GPC6: variants seen among roughly 807,000 people sequenced by gnomAD.
GPC6 encodes the protein glypican-6.
Under a neutral mutation model 55.2 loss-of-function variants are expected in GPC6, and 14 were observed. The observed-to-expected ratio is 0.25, with a 90% CI of 0.17 to 0.40. GPC6 has a LOEUF of 0.40. Among genes scored for constraint, GPC6 ranks in the 10% least tolerant of loss-of-function variants. The pLI is 1.00. For missense variants in GPC6, 641 were observed against 708.5 expected (o/e 0.90, Z 1.08); for synonymous variants, 278 against 259.6 (o/e 1.07, Z -0.68).
At chr13:93,580,898 A>G (rs969919534) in intron 2 of GPC6, among the ~76,000 whole-genome samples, 1 of 152,178 alleles carries the variant, frequency 6.6e-6, no homozygotes, top group Non-Finnish European at 1.5e-5. Flanking sequence ...TTTTTACAAA[A>G]TGTATTGTTC....
At chr13:93,945,194 C>A (rs980983925) in intron 3 of GPC6, among the ~76,000 whole-genome samples, 2 of 152,022 alleles carry the variant, frequency 1.3e-5, no homozygotes, top group Non-Finnish European at 2.9e-5. Context: ...ATCTTACTGA[C>A]CCAAAGGATT....
At chr13:93,934,770 A>G (rs1878349879) in intron 3 of GPC6, among the ~76,000 whole-genome samples, 2 of 150,644 alleles carry the variant, frequency 1.3e-5, no homozygotes, top group South Asian at 4.2e-4. Flanking sequence ...TTAAGGATAC[A>G]ATATGTGACC....
rs66499161 is a variant in GPC6, at chr13:94,133,267, C to CAAAAAA, written c.877+105393_877+105398dup. Among the ~76,000 whole-genome samples the CAAAAAA allele has an allele frequency of 9.3e-4, 79 of 85,072 alleles. 2 individuals carry two copies. The highest frequency in any genetic ancestry group is 3.5e-3 in the African/African-American group (70 of 20,066). The allele number at this position is 85,072 out of a possible 152,430, so 55.8% of individuals were successfully genotyped here. A position where few individuals can be genotyped will look rare whatever the true frequency, so the allele number is the denominator to read the frequency against. On this transcript the variant is annotated intron_variant, in intron 4 of 8. Coordinates refer to ENST00000377047, the MANE Select transcript of GPC6 (RefSeq NM_005708.5). ...CCACCATACAGGTACTGACCAGTGA[C>CAAAAAA]AAAAAAAAAAAAAAAAAAAAAAAAA...
intron 4 of GPC6, among the ~76,000 whole-genome samples, chr13:94,148,546 A>G (rs1482560060): frequency 6.6e-6 from 1 of 152,316 alleles, no homozygotes; most frequent in East Asian, 1.9e-4. Context: ...ACTGCAATTT[A>G]ATTTAACTGA....
chr13:94,034,769 C>T (rs868689810), intron 4 of GPC6, among the ~76,000 whole-genome samples: 30 of 151,790 alleles, frequency 2.0e-4, no homozygotes, highest in African/African-American at 6.5e-4. Flanking sequence ...ACTGTGTAAT[C>T]GAGATTTTCA....
chr13:93,799,949 A>G (rs969910232), intron 2 of GPC6, among the ~76,000 whole-genome samples: 10 of 152,190 alleles, frequency 6.6e-5, no homozygotes, highest in South Asian at 6.2e-4. Flanking sequence ...TGTGGTGGAC[A>G]GTAGCCTGGG....
intron 4 of GPC6, among the ~76,000 whole-genome samples, chr13:94,144,308 A>G (rs879483193): frequency 1.3e-5 from 2 of 151,914 alleles, no homozygotes; most frequent in Admixed American, 1.3e-4. Context: ...ACCCCAAAAT[A>G]TACGCAGTGT....
chr13:94,042,227 G>A (rs572588841), intron 4 of GPC6, among the ~76,000 whole-genome samples: 29 of 151,738 alleles, frequency 1.9e-4, no homozygotes, highest in African/African-American at 6.3e-4. Context: ...CTTCCACCAT[G>A]ATTGTAAGTT....
At chr13:93,686,966 A>T (rs1259484349) in intron 2 of GPC6, among the ~76,000 whole-genome samples, 1 of 152,062 alleles carries the variant, frequency 6.6e-6, no homozygotes, top group African/African-American at 2.4e-5. Flanking sequence ...CCGATTTTAA[A>T]GCCTATATAA....
At chr13:93,717,527 A>T (rs985298799) in intron 2 of GPC6, among the ~76,000 whole-genome samples, 7 of 151,710 alleles carry the variant, frequency 4.6e-5, no homozygotes, top group Non-Finnish European at 1.0e-4. Context: ...ATCATCTATT[A>T]AATATATGCC....
At chr13:94,340,694 T>A (rs760682168) in intron 6 of GPC6, among the ~76,000 whole-genome samples, 1 of 152,228 alleles carries the variant, frequency 6.6e-6, no homozygotes, top group Non-Finnish European at 1.5e-5. Context: ...AACCACTGTA[T>A]AAGATTCTTA....
intron 2 of GPC6, among the ~76,000 whole-genome samples, chr13:93,567,477 AC>A (rs1876187543): frequency 1.3e-5 from 2 of 149,086 alleles, no homozygotes. Context: ...TTCTATTGAA[AC>A]TTTTTTTTTT....
chr13:94,214,648 T>G (rs970643268), intron 4 of GPC6, among the ~76,000 whole-genome samples: 2 of 152,198 alleles, frequency 1.3e-5, no homozygotes, highest in African/African-American at 2.4e-5. Flanking sequence ...TGGAAATTTT[T>G]TTTCAGATTT....
chr13:93,892,081 C>A (rs1428625919), intron 3 of GPC6, among the ~76,000 whole-genome samples: 1 of 152,000 alleles, frequency 6.6e-6, no homozygotes, highest in Admixed American at 6.6e-5. Context: ...CACATGTACA[C>A]ACTACACATA....
At chr13:93,679,633 C>A (rs755376905) in intron 2 of GPC6, among the ~76,000 whole-genome samples, 1 of 152,092 alleles carries the variant, frequency 6.6e-6, no homozygotes, top group Non-Finnish European at 1.5e-5. Flanking sequence ...ATCATGATTT[C>A]ATCACAAACA....
intron 1 of GPC6, among the ~76,000 whole-genome samples, chr13:93,529,241 GGGTGAAGTGAAACA>G (rs1348086136): frequency 6.6e-6 from 1 of 152,098 alleles, no homozygotes; most frequent in Non-Finnish European, 1.5e-5. Context: ...GGTTGAGCTG[GGGTGAAGTGAAACA>G]GGTGAAACCT....
chr13:94,136,764 G>A (rs1024072629), intron 4 of GPC6, among the ~76,000 whole-genome samples: 1 of 152,166 alleles, frequency 6.6e-6, no homozygotes, highest in Non-Finnish European at 1.5e-5. Flanking sequence ...AGTGTAGAGT[G>A]ATTGAAGGAA....
At chr13:94,146,834 G>A (rs375635374) in intron 4 of GPC6, among the ~76,000 whole-genome samples, 2 of 152,162 alleles carry the variant, frequency 1.3e-5, no homozygotes, top group East Asian at 1.9e-4. Context: ...GGGATAAAAT[G>A]AGCGTTGATA....
chr13:94,122,168 A>G (rs539837592), intron 4 of GPC6, among the ~76,000 whole-genome samples: 2 of 152,248 alleles, frequency 1.3e-5, no homozygotes, highest in African/African-American at 4.8e-5. Context: ...TAAGAGGTAT[A>G]AAAATGAAAG....
Sources: allele counts gnomAD v4.1 joint callset (sites outside exome capture counted in the v4.1 genomes callset), GRCh38; gene constraint gnomAD v4.1.1; transcripts MANE v1.5; gene names NCBI Gene and HGNC (gene_info 2026-07-23, HGNC 2026-07-21).